Variants in RERG observed in about 807,000 individuals in gnomAD.
RERG encodes RAS like estrogen regulated growth inhibitor.
RERG carries 25 observed loss-of-function variants against 23.2 expected under a neutral mutation model. The observed-to-expected ratio is 1.08, with a 90% CI of 0.79 to 1.50. The LOEUF is 1.50. Among genes scored for constraint, RERG ranks in the 40% most tolerant of loss-of-function variants. RERG has a pLI of 0.00. For synonymous variants in RERG, 81 were observed against 89.1 expected, an observed-to-expected ratio of 0.91 and a Z score of 0.51; for missense variants, 253 against 250.1, an observed-to-expected ratio of 1.01 and a Z score of -0.08.
Position 15,109,204 on chromosome 12 carries a change from C to T in RERG, c.506G>A (p.Arg169His), listed in dbSNP as rs763229225. Residue 169 changes from arginine to histidine, a missense_variant, in exon 5 of 5, where the codon CGC becomes CAC. Coordinates refer to ENST00000256953, the MANE Select transcript of RERG (RefSeq NM_032918.3). The stretch of plus-strand genomic sequence containing the variant: ...CGTCTTGCCCTGCACCATCCTCCGG[C>T]GACGCACCTCTCGACACAATTCATA... Reference protein sequence around the residue: ...IFYELCREVRRRRMVQGKTRR... With the variant: ...IFYELCREVRHRRMVQGKTRR... The T allele has an allele frequency of 1.2e-5, 20 of 1,613,774 alleles. No homozygotes were observed. Among genetic ancestry groups the T allele is most frequent in the Non-Finnish European group, 1.7e-5 (20 of 1,179,980 alleles).
chr12:15,129,450 C>G (rs977339792), intron 2 of RERG, among the ~76,000 whole-genome samples: 1 of 151,898 alleles, frequency 6.6e-6, no homozygotes, highest in African/African-American at 2.4e-5. Context: ...TCAAATCTAT[C>G]TCTCTTTCTC....
intron 2 of RERG, among the ~76,000 whole-genome samples, chr12:15,212,042 CTTTT>C (rs772353150): frequency 2.8e-4 from 18 of 64,716 alleles, no homozygotes; most frequent in South Asian, 1.9e-3. Flanking sequence ...CACGAATAAA[CTTTT>C]TTTTTTTTTT....
At chr12:15,118,610 A>T (rs1025448482) in intron 3 of RERG, among the ~76,000 whole-genome samples, 17 of 152,158 alleles carry the variant, frequency 1.1e-4, no homozygotes, top group African/African-American at 4.1e-4. Flanking sequence ...GGATTGGAGC[A>T]TGAGGTGGTT....
At chr12:15,139,487 T>G (rs2136100828) in intron 2 of RERG, among the ~76,000 whole-genome samples, 1 of 152,216 alleles carries the variant, frequency 6.6e-6, no homozygotes, top group African/African-American at 2.4e-5. Flanking sequence ...TAGATCTTCT[T>G]TATTAGATCA....
At chr12:15,157,150 G>C (rs1480292514) in intron 2 of RERG, among the ~76,000 whole-genome samples, 2 of 152,158 alleles carry the variant, frequency 1.3e-5, no homozygotes, top group Non-Finnish European at 2.9e-5. Flanking sequence ...GAATTTTGAA[G>C]AATACACAGT....
intron 2 of RERG, among the ~76,000 whole-genome samples, chr12:15,206,778 T>C (rs1350088696): frequency 6.6e-6 from 1 of 152,286 alleles, no homozygotes; most frequent in East Asian, 1.9e-4. Flanking sequence ...AGTACAAAAG[T>C]ATTCATTCAT....
intron 2 of RERG, among the ~76,000 whole-genome samples, chr12:15,172,609 G>A (rs1474370771): frequency 2.6e-5 from 4 of 151,980 alleles, no homozygotes; most frequent in African/African-American, 9.7e-5. Flanking sequence ...TTTGAGAGTC[G>A]CAGTTTACCA....
chr12:15,129,291 A>AC (rs984788741), intron 2 of RERG, among the ~76,000 whole-genome samples: 72 of 150,004 alleles, frequency 4.8e-4, no homozygotes, highest in African/African-American at 1.8e-3. Flanking sequence ...AAAAAAAAAA[A>AC]CCCTCAGAAA....
intron 2 of RERG, among the ~76,000 whole-genome samples, chr12:15,187,704 A>G (rs915447235): frequency 6.6e-6 from 1 of 151,724 alleles, no homozygotes. Flanking sequence ...AATTACAGGC[A>G]CCCGCCACCA....
At chr12:15,112,918 T>G (rs1863648823) in intron 3 of RERG, among the ~76,000 whole-genome samples, 1 of 152,172 alleles carries the variant, frequency 6.6e-6, no homozygotes, top group Non-Finnish European at 1.5e-5. Context: ...AAGCTCTATA[T>G]CTAAACCTAT....
chr12:15,215,565 A>G (rs1465693099), intron 2 of RERG, among the ~76,000 whole-genome samples: 1 of 152,230 alleles, frequency 6.6e-6, no homozygotes. Context: ...TAGTGACCTT[A>G]GCAAAAGCAG....
intron 3 of RERG, among the ~76,000 whole-genome samples, chr12:15,117,756 C>T (rs547957847): frequency 6.6e-5 from 10 of 152,034 alleles, no homozygotes; most frequent in African/African-American, 2.4e-4. Flanking sequence ...TCTGTGGTGA[C>T]CAGCATTCTT....
intron 1 of RERG, among the ~76,000 whole-genome samples, chr12:15,218,599 T>C (rs1027961576): frequency 4.6e-5 from 7 of 152,128 alleles, no homozygotes; most frequent in East Asian, 1.9e-4. Flanking sequence ...CTTTCTAATA[T>C]TGAGCTCTAA....
At chr12:15,133,848 T>C (rs1443356256) in intron 2 of RERG, among the ~76,000 whole-genome samples, 1 of 151,510 alleles carries the variant, frequency 6.6e-6, no homozygotes, top group Admixed American at 6.6e-5. Context: ...AATTCCTAAA[T>C]GATACATGAT....
intron 2 of RERG, among the ~76,000 whole-genome samples, chr12:15,133,455 C>T (rs1192628279): frequency 6.6e-6 from 1 of 151,912 alleles, no homozygotes; most frequent in Non-Finnish European, 1.5e-5. Flanking sequence ...AACATTCCAT[C>T]GTCTGATGTA....
chr12:15,202,392 CA>C (rs1865229285), intron 2 of RERG, among the ~76,000 whole-genome samples: 1 of 151,676 alleles, frequency 6.6e-6, no homozygotes, highest in Non-Finnish European at 1.5e-5. Context: ...AGCAGATATC[CA>C]GAACTTACTC....
chr12:15,151,071 C>A (rs1266662896), intron 2 of RERG, among the ~76,000 whole-genome samples: 2 of 152,196 alleles, frequency 1.3e-5, no homozygotes, highest in African/African-American at 4.8e-5. Flanking sequence ...CAGCCTGTTT[C>A]TAAAATCTAC....
intron 2 of RERG, among the ~76,000 whole-genome samples, chr12:15,181,027 C>G (rs1864916299): frequency 6.6e-6 from 1 of 152,308 alleles, no homozygotes; most frequent in East Asian, 1.9e-4. Context: ...CCCCTCCCCT[C>G]GCTGGGGAAA....
intron 2 of RERG, among the ~76,000 whole-genome samples, chr12:15,134,463 T>C (rs931481836): frequency 1.1e-4 from 16 of 152,200 alleles, no homozygotes; most frequent in Admixed American, 9.2e-4. Flanking sequence ...GTTCCATTGG[T>C]CTATTTATCT....
Sources: allele counts gnomAD v4.1 joint callset (sites outside exome capture counted in the v4.1 genomes callset), GRCh38; gene constraint gnomAD v4.1.1; transcripts MANE v1.5; gene names NCBI Gene and HGNC (gene_info 2026-07-23, HGNC 2026-07-21).